IFT46: variants seen among roughly 807,000 people sequenced by gnomAD.
IFT46 encodes the protein intraflagellar transport 46.
A neutral mutation model predicts 39.6 loss-of-function variants in IFT46; 19 were observed. That is an observed-to-expected ratio of 0.48 (90% CI 0.33 to 0.70). IFT46 has a LOEUF of 0.70. Ranked by LOEUF, IFT46 falls within the 30% of genes least tolerant of loss-of-function variation. The pLI is 0.01. For missense variants in IFT46, 334 were observed against 364.8 expected, an observed-to-expected ratio of 0.92 and a Z score of 0.69; for synonymous variants, 117 against 134.8, an observed-to-expected ratio of 0.87 and a Z score of 0.91.
At chr11:118,576,074 T>C (rs1555073484), upstream of IFT46, among the ~76,000 whole-genome samples, 1 of 152,000 alleles carries the variant, frequency 6.6e-6, no homozygotes, top group Non-Finnish European at 1.5e-5. Flanking sequence ...ACCTCCTATG[T>C]TAGGGATATT....
chr11:118,571,233 T>C (rs1555072326), intron 1 of IFT46, among the ~76,000 whole-genome samples: 1 of 152,240 alleles, frequency 6.6e-6, no homozygotes, highest in African/African-American at 2.4e-5. Flanking sequence ...TTTTTTCACA[T>C]AATATTCTCA....
upstream of IFT46, chr11:118,573,632 A>G (rs1449935372): frequency 2.9e-6 from 2 of 700,080 alleles, no homozygotes; most frequent in African/African-American, 3.5e-5. Flanking sequence ...AACTTGATTT[A>G]AAACATCGTC....
At chr11:118,552,450 G>A in intron 7 of IFT46, 115 bp from the exon 8 acceptor site, 6 of 1,264,542 alleles carry the variant, frequency 4.7e-6, no homozygotes, top group Non-Finnish European at 5.5e-6. Context: ...GACAGCTGCT[G>A]CCACGTGAAA....
At chr11:118,573,629 T>C (rs1938410377), upstream of IFT46, 4 of 700,316 alleles carry the variant, frequency 5.7e-6, no homozygotes, top group South Asian at 6.0e-5. Context: ...GATAACTTGA[T>C]TTAAAACATC....
chr11:118,568,813 G>A (rs775606963), upstream of IFT46, among the ~76,000 whole-genome samples: 2 of 151,288 alleles, frequency 1.3e-5, no homozygotes, highest in Admixed American at 6.6e-5. Flanking sequence ...GGGCCACCAC[G>A]CCCAGCTAAT....
At chr11:118,574,778 C>T (rs782748839), upstream of IFT46, among the ~76,000 whole-genome samples, 2 of 151,288 alleles carry the variant, frequency 1.3e-5, no homozygotes. Flanking sequence ...TTTAAAGAGA[C>T]AGGGTCTCAC....
Position 118,544,850 on chromosome 11 carries a change from G to A in IFT46, c.*66C>T, listed in dbSNP as rs139719866. On this transcript the variant is annotated 3_prime_UTR_variant, in exon 12 of 12. Coordinates refer to ENST00000264021, the MANE Select transcript of IFT46 (RefSeq NM_001168618.2). ...GCAAGGACATCAAGTAGCTGACAAC[G>A]ATCTGTCCATCTCAGCTGGGGCAGA... 8.4e-5 allele frequency: 96 copies of A among 1,148,358 alleles called. No homozygotes were observed. The highest frequency in any genetic ancestry group is 7.0e-4 in the African/African-American group (46 of 65,824). The allele number at this position is 1,148,358 out of a possible 1,614,324, so 71.1% of individuals were successfully genotyped here.
chr11:118,546,355 G>A (rs1555067154), intron 9 of IFT46: 6 of 562,128 alleles, frequency 1.1e-5, no homozygotes, highest in Middle Eastern at 4.8e-4. Context: ...GCCGGGTGTG[G>A]TGTTGAGTAT....
upstream of IFT46, among the ~76,000 whole-genome samples, chr11:118,570,159 T>C (rs1938307825): frequency 6.6e-6 from 1 of 151,004 alleles, no homozygotes; most frequent in East Asian, 1.9e-4. Context: ...GCTTCAAGGA[T>C]TCCCCCACCT....
At chr11:118,551,028 C>CAA (rs202115759) in intron 9 of IFT46, among the ~76,000 whole-genome samples, 67 of 88,704 alleles carry the variant, frequency 7.6e-4, no homozygotes, top group African/African-American at 1.8e-3. Context: ...GAGACTGCCT[C>CAA]AAAAAAAAAA....
intron 3 of IFT46, chr11:118,557,810 G>A (rs782749382): frequency 1.9e-6 from 3 of 1,614,122 alleles, no homozygotes; most frequent in Admixed American, 1.7e-5. Context: ...GGTGGCACTT[G>A]AGACTTGCAG....
chr11:118,559,596 G>C (rs954881084), intron 3 of IFT46, among the ~76,000 whole-genome samples, 189 bp downstream of exon 3: 5 of 152,320 alleles, frequency 3.3e-5, no homozygotes, highest in African/African-American at 4.8e-5. Flanking sequence ...AATTGTAGTA[G>C]TAGGCTTTAT....
At chr11:118,549,255 G>A (rs377480469) in intron 9 of IFT46, among the ~76,000 whole-genome samples, 4 of 150,454 alleles carry the variant, frequency 2.7e-5, no homozygotes, top group East Asian at 1.9e-4. Context: ...TGCCCAGACC[G>A]GTCCTGAACT....
At position 118,551,780 on chromosome 11, in the gene IFT46, A is replaced by G. The variant is rs1391082861; in HGVS notation, c.672+6T>C. The G allele has an allele frequency of 1.9e-6, 3 of 1,612,110 alleles. No individual in the cohort carries two copies. Among genetic ancestry groups the G allele is most frequent in the Non-Finnish European group, 2.5e-6 (3 of 1,178,828 alleles). ...CTTACCCTACCTCCTGCTACCTTCC[A>G]CTCACCTTGCCCAAAAGCTCTTCAA... On this transcript the variant is annotated splice_donor_region_variant and intron_variant, in intron 9 of 11. Coordinates refer to ENST00000264021, the MANE Select transcript of IFT46 (RefSeq NM_001168618.2).
chr11:118,573,556 C>T (rs1591377835), upstream of IFT46: 1 of 606,530 alleles, frequency 1.6e-6, no homozygotes, highest in Non-Finnish European at 3.0e-6. Flanking sequence ...TTTCAGTGCA[C>T]CTTATGTCCT....
chr11:118,559,934 T>A, intron 2 of IFT46, 70 bp from the exon 3 acceptor site: 1 of 867,426 alleles, frequency 1.2e-6, no homozygotes, highest in Non-Finnish European at 1.9e-6. Context: ...TTTTAGTTTT[T>A]AATATTTTAT....
intron 2 of IFT46, among the ~76,000 whole-genome samples, chr11:118,564,101 A>G (rs144070195): frequency 0.011 from 1,612 of 151,046 alleles, 31 homozygotes; most frequent in African/African-American, 0.037. Context: ...AGGAAGGAGA[A>G]TCACTTGAAC....
At chr11:118,557,444 G>A in intron 3 of IFT46, 1 of 400,178 alleles carries the variant, frequency 2.5e-6, no homozygotes, top group South Asian at 3.7e-5. Context: ...AGAAATTTTA[G>A]GGGTCTTAAT....
chr11:118,555,317 T>A lies in IFT46; in HGVS notation c.191A>T (p.Tyr64Phe), dbSNP rs143192297. ...EEHGAPLEGAYDPADYEHLPV... is the reference protein window; with the variant it reads ...EEHGAPLEGAFDPADYEHLPV... Reference sequence around the variant, plus strand: ...CAAATGCTCATAGTCTGCAGGGTCATAGGCCCTGGGAAAAGGAAAACAGTT... The same window carrying A: ...CAAATGCTCATAGTCTGCAGGGTCAAAGGCCCTGGGAAAAGGAAAACAGTT... The change falls in exon 5 of 12, where the codon TAT becomes TTT. Residue 64 changes from tyrosine (Y) to phenylalanine (F), a missense_variant. Tyr to Phe is a conservative substitution (Grantham distance 22). Coordinates refer to ENST00000264021, the MANE Select transcript of IFT46 (RefSeq NM_001168618.2). 5.6e-6 allele frequency: 9 copies of A among 1,613,622 alleles called. No individual in the cohort carries two copies. The African/African-American group carries it at 1.2e-4, about 22-fold the overall frequency.
Sources: allele counts gnomAD v4.1 joint callset (sites outside exome capture counted in the v4.1 genomes callset), GRCh38; gene constraint gnomAD v4.1.1; transcripts MANE v1.5; gene names NCBI Gene and HGNC (gene_info 2026-07-23, HGNC 2026-07-21).